The following PALM2AKAP2 variants were observed in gnomAD, a reference collection of about 807,000 sequenced individuals.
The protein encoded by PALM2AKAP2 is PALM2-AKAP2 fusion protein.
In PALM2AKAP2, 37 loss-of-function variants were observed where a neutral mutation model predicts 71.5. That is an observed-to-expected ratio of 0.52 (90% CI 0.40 to 0.68). The LOEUF (loss-of-function observed/expected upper bound fraction) is 0.68. PALM2AKAP2 is among the 30% of genes least tolerant of loss of function. PALM2AKAP2 has a pLI of 0.00. For synonymous variants in PALM2AKAP2, 468 were observed against 478.8 expected, an observed-to-expected ratio of 0.98 and a Z score of 0.29; for missense variants, 1,224 against 1,191.8, an observed-to-expected ratio of 1.03 and a Z score of -0.40.
chr9:110,023,558 C>T (rs191297869), intron 7 of PALM2AKAP2, among the ~76,000 whole-genome samples: 5 of 152,004 alleles, frequency 3.3e-5, no homozygotes, highest in Admixed American at 3.3e-4. Context: ...AAATGATCCA[C>T]CCGCCTCGGC....
exon 4 of PALM2AKAP2, chr9:110,168,964 T>G (rs924894087): frequency 5.9e-5 from 9 of 153,216 alleles, no homozygotes; most frequent in African/African-American, 1.9e-4. Context: ...CAGAGGGTGT[T>G]GCATTAACTC....
Position 109,906,924 on chromosome 9 carries a change from T to C in PALM2AKAP2, c.258-16811T>C, listed in dbSNP as rs547873623. Among the ~76,000 whole-genome samples the C allele has an allele frequency of 5.3e-5, 8 of 152,324 alleles. No individual in the cohort carries two copies. In the East Asian group the frequency reaches 1.3e-3, roughly 26 times the overall value. ...TCCTGAGCCTGATCCTCCCTGTCAC[T>C]TTCTTTCCCTCATGAGTGCACTCAG... On this transcript the variant is annotated intron_variant, in intron 3 of 9. Coordinates refer to the PALM2AKAP2 transcript ENST00000302798.
chr9:110,161,605 G>A (rs1836600105), intron 3 of PALM2AKAP2, among the ~76,000 whole-genome samples: 1 of 152,136 alleles, frequency 6.6e-6, no homozygotes, highest in Non-Finnish European at 1.5e-5. Context: ...CCCTTAGGCC[G>A]GTTTCAGAGA....
intron 6 of PALM2AKAP2, among the ~76,000 whole-genome samples, chr9:109,997,903 A>G (rs964023237): frequency 6.6e-6 from 1 of 152,210 alleles, no homozygotes; most frequent in African/African-American, 2.4e-5. Flanking sequence ...GGGGCTTCCT[A>G]AAGCCAAGTG....
intron 1 of PALM2AKAP2, among the ~76,000 whole-genome samples, chr9:109,828,417 GA>G (rs1182545833): frequency 7.9e-5 from 12 of 152,284 alleles, no homozygotes; most frequent in African/African-American, 2.9e-4. Context: ...ATCCATGCAT[GA>G]AGCTCTTTGA....
At chr9:109,799,757 A>G (rs12553502) in intron 1 of PALM2AKAP2, among the ~76,000 whole-genome samples, 19 of 152,278 alleles carry the variant, frequency 1.2e-4, no homozygotes, top group Admixed American at 1.2e-3. Flanking sequence ...AGATTCCCAA[A>G]GTGTTGGGAT....
intron 6 of PALM2AKAP2, among the ~76,000 whole-genome samples, chr9:109,950,350 C>A (rs1323307955): frequency 6.6e-6 from 1 of 151,948 alleles, no homozygotes; most frequent in Non-Finnish European, 1.5e-5. Flanking sequence ...CAGGGCTACA[C>A]TGTATTTTTA....
intron 6 of PALM2AKAP2, among the ~76,000 whole-genome samples, chr9:110,008,631 A>T (rs372058650): frequency 2.0e-4 from 31 of 152,080 alleles, no homozygotes; most frequent in African/African-American, 7.5e-4. Flanking sequence ...AGGCTGGGCT[A>T]GGCTATGCTG....
chr9:109,867,364 C>A, intron 1 of PALM2AKAP2, 127 bp from the exon 2 acceptor site: 1 of 1,029,912 alleles, frequency 9.7e-7, no homozygotes, highest in Non-Finnish European at 1.4e-6. Flanking sequence ...GGTGACACTG[C>A]GTGTGTGCCC....
intron 6 of PALM2AKAP2, among the ~76,000 whole-genome samples, chr9:109,958,939 C>T (rs377194924): frequency 6.6e-6 from 1 of 152,156 alleles, no homozygotes; most frequent in African/African-American, 2.4e-5. Flanking sequence ...ATTTGTAGTT[C>T]CCCATGGTTG....
chr9:110,065,057 T>A (rs1304942645), intron 1 of PALM2AKAP2, among the ~76,000 whole-genome samples: 1 of 152,180 alleles, frequency 6.6e-6, no homozygotes, highest in Non-Finnish European at 1.5e-5. Context: ...TCCCCATCAG[T>A]AAGCTTTGGT....
intron 1 of PALM2AKAP2, among the ~76,000 whole-genome samples, chr9:109,663,078 C>T (rs1827424642): frequency 6.6e-6 from 1 of 151,896 alleles, no homozygotes; most frequent in Non-Finnish European, 1.5e-5. Context: ...ATTCTTCTCT[C>T]CTTTCTTCTT....
At chr9:110,124,552 T>A (rs144819755) in intron 1 of PALM2AKAP2, among the ~76,000 whole-genome samples, 6 of 152,166 alleles carry the variant, frequency 3.9e-5, no homozygotes, top group Non-Finnish European at 5.9e-5. Flanking sequence ...GGAGGCAGAG[T>A]TGAGCCAGTG....
At chr9:110,020,861 G>A (rs1833061967) in intron 7 of PALM2AKAP2, among the ~76,000 whole-genome samples, 1 of 151,910 alleles carries the variant, frequency 6.6e-6, no homozygotes, top group South Asian at 2.1e-4. Context: ...TGTAATCCAA[G>A]CACTGGGAGG....
At chr9:110,028,192 G>C (rs1289240692) in intron 7 of PALM2AKAP2, among the ~76,000 whole-genome samples, 1 of 152,110 alleles carries the variant, frequency 6.6e-6, no homozygotes. Context: ...GTTGTAAACT[G>C]TAATAAACTA....
intron 1 of PALM2AKAP2, among the ~76,000 whole-genome samples, chr9:109,658,798 TA>T (rs559076213): frequency 6.6e-6 from 1 of 152,140 alleles, no homozygotes; most frequent in Non-Finnish European, 1.5e-5. Context: ...ATGATGAATA[TA>T]AAAAATCAAT....
chr9:110,079,625 G>C (rs1834399028), intron 1 of PALM2AKAP2, among the ~76,000 whole-genome samples: 1 of 152,194 alleles, frequency 6.6e-6, no homozygotes. Flanking sequence ...AATGACCAGG[G>C]CAGAGGTATA....
rs139848952 is a variant in PALM2AKAP2 at position 109,684,319 on chromosome 9, C to A, written c.5+43453C>A. On this transcript the variant is annotated intron_variant, in intron 1 of 6. Coordinates refer to the PALM2AKAP2 transcript ENST00000374531. ...GCTCATCTCTGGCTATGCGTTGGAA[C>A]CACCTGTGGAGTTTCTAATGCGCTA... Among the ~76,000 whole-genome samples the A allele has an allele frequency of 1.2e-3, 177 of 152,278 alleles. 1 individual carries two copies. Among genetic ancestry groups the A allele is most frequent in the African/African-American group, 4.0e-3 (166 of 41,552 alleles).
At chr9:109,907,241 T>C (rs1728913886) in intron 3 of PALM2AKAP2, among the ~76,000 whole-genome samples, 1 of 152,206 alleles carries the variant, frequency 6.6e-6, no homozygotes, top group African/African-American at 2.4e-5. Context: ...TTCATATAGC[T>C]TCCTCCCTCA....
Sources: allele counts gnomAD v4.1 joint callset (sites outside exome capture counted in the v4.1 genomes callset), GRCh38; gene constraint gnomAD v4.1.1; transcripts MANE v1.5; gene names NCBI Gene and HGNC (gene_info 2026-07-23, HGNC 2026-07-21).